The following RB1 variants were observed in gnomAD, a reference collection of about 807,000 sequenced individuals.
RB1 encodes the protein RB transcriptional corepressor 1.
In RB1, 18 loss-of-function variants were observed where a neutral mutation model predicts 135.4. That is an observed-to-expected ratio of 0.13 (90% CI 0.09 to 0.20). RB1 has a LOEUF of 0.20. Ranked by LOEUF, RB1 falls within the 10% of genes least tolerant of loss-of-function variation. The pLI, the probability that RB1 is intolerant of heterozygous loss-of-function variation, is 1.00. For missense variants in RB1, 868 were observed against 1,110.0 expected, an observed-to-expected ratio of 0.78 and a Z score of 3.10; for synonymous variants, 365 against 373.2, an observed-to-expected ratio of 0.98 and a Z score of 0.25.
Position 48,476,918 on chromosome 13 carries a change from T to C in RB1, c.2663+75T>C, listed in dbSNP as rs1397453472. ...GAATCCAGAGTCTCAGCACTGCTCC[T>C]GGCTTATACCAATTTCTTTCATGCC... On this transcript the variant is annotated intron_variant, in intron 25 of 26. Coordinates refer to ENST00000267163, the MANE Select transcript of RB1 (RefSeq NM_000321.3). 20 of 1,553,262 alleles carry C rather than the reference T, an allele frequency of 1.3e-5. 1 individual carries two copies. The highest frequency in any genetic ancestry group is 1.5e-5 in the Non-Finnish European group (17 of 1,127,338).
At chr13:48,399,740 A>G (rs1948676126) in intron 17 of RB1, among the ~76,000 whole-genome samples, 1 of 151,986 alleles carries the variant, frequency 6.6e-6, no homozygotes, top group Non-Finnish European at 1.5e-5. Context: ...AGATCTGTTT[A>G]TGATTTTAAA....
chr13:48,367,646 G>A (rs1248018059), intron 10 of RB1, 43 bp downstream of exon 10: 1 of 1,582,902 alleles, frequency 6.3e-7, no homozygotes, highest in Non-Finnish European at 8.6e-7. Context: ...TTAGATATAG[G>A]TTGATACTGA....
chr13:48,327,492 T>C (rs1379154331), intron 2 of RB1, among the ~76,000 whole-genome samples: 2 of 152,202 alleles, frequency 1.3e-5, no homozygotes, highest in Non-Finnish European at 2.9e-5. Context: ...AAAAAAGTTA[T>C]TTTAAGAGCT....
chr13:48,409,560 G>T (rs1282807246), intron 17 of RB1, among the ~76,000 whole-genome samples: 2 of 144,538 alleles, frequency 1.4e-5, no homozygotes, highest in Non-Finnish European at 3.0e-5. Context: ...TAACTTTGGA[G>T]AACTGCTTGA....
intron 17 of RB1, among the ~76,000 whole-genome samples, chr13:48,436,546 G>A (rs1308323913): frequency 6.6e-6 from 1 of 152,072 alleles, no homozygotes; most frequent in African/African-American, 2.4e-5. Context: ...GGGAGGCTGA[G>A]GCAGGAGAAT....
rs146356571 is a variant in RB1, at chr13:48,358,826, A to C, written c.608-1191A>C. On this transcript the variant is annotated intron_variant, in intron 6 of 26. Transcript: ENST00000267163. Reference sequence around the variant, plus strand: ...AGCACTTTAATACCTAATAAAATGAAAGCAAAAGAATGTACTTGAGAGAGA... The same window carrying C: ...AGCACTTTAATACCTAATAAAATGACAGCAAAAGAATGTACTTGAGAGAGA... 6.5e-3 allele frequency among the ~76,000 whole-genome samples: 989 copies of C among 152,254 alleles called. 15 individuals are homozygous for C. Among genetic ancestry groups the C allele is most frequent in the African/African-American group, 0.023 (942 of 41,570 alleles).
intron 17 of RB1, among the ~76,000 whole-genome samples, chr13:48,413,843 T>G (rs1948860744): frequency 6.6e-6 from 1 of 152,214 alleles, no homozygotes; most frequent in Non-Finnish European, 1.5e-5. Context: ...AAGCAAAATT[T>G]TTTTAACCTT....
Position 48,475,755 on chromosome 13 carries a change from T to C in RB1, c.2521-946T>C, listed in dbSNP as rs890959454. On this transcript the variant is annotated intron_variant, in intron 24 of 26. Coordinates refer to ENST00000267163, the MANE Select transcript of RB1 (RefSeq NM_000321.3). ...CCATCTGAGAGGCTGCCCACCACAC[T>C]GCCTCAAGTAACTAGGGAGAGGTAA... 3.3e-5 allele frequency among the ~76,000 whole-genome samples: 5 copies of C among 152,290 alleles called. No homozygotes were observed. In the East Asian group the frequency reaches 9.6e-4, roughly 29 times the overall value.
chr13:48,400,675 G>C (rs1296656268), intron 17 of RB1, among the ~76,000 whole-genome samples: 1 of 152,022 alleles, frequency 6.6e-6, no homozygotes. Flanking sequence ...AACTTGCTTT[G>C]GTGTGGTTCT....
intron 6 of RB1, among the ~76,000 whole-genome samples, chr13:48,359,289 TGAACAA>T (rs1394985974): frequency 5.9e-5 from 9 of 151,778 alleles, no homozygotes; most frequent in Non-Finnish European, 1.0e-4. Context: ...GATTTTATGG[TGAACAA>T]TTATTTTATA....
chr13:48,444,353 C>A (rs1174581110), intron 17 of RB1, among the ~76,000 whole-genome samples: 1 of 152,090 alleles, frequency 6.6e-6, no homozygotes, highest in Non-Finnish European at 1.5e-5. Context: ...CCCGTCTCTA[C>A]TAAAAATACA....
chr13:48,373,602 T>A, intron 12 of RB1, 110 bp downstream of exon 12: 1 of 673,922 alleles, frequency 1.5e-6, no homozygotes. Context: ...ATCTAACATG[T>A]AGTTATCCAT....
intron 6 of RB1, among the ~76,000 whole-genome samples, chr13:48,352,143 C>T (rs963592530): frequency 3.9e-5 from 6 of 152,116 alleles, no homozygotes; most frequent in South Asian, 2.1e-4. Context: ...TCAGCTGGTC[C>T]TAGGTGTGCA....
At chr13:48,344,935 C>A in intron 3 of RB1, 145 bp from the exon 4 acceptor site, 1 of 1,015,260 alleles carries the variant, frequency 9.8e-7, no homozygotes, top group Non-Finnish European at 1.4e-6. Context: ...ATTATTTTTG[C>A]AAAAAGTAAT....
At chr13:48,322,448 T>C (rs918969605) in intron 2 of RB1, among the ~76,000 whole-genome samples, 1 of 152,246 alleles carries the variant, frequency 6.6e-6, no homozygotes, top group African/African-American at 2.4e-5. Context: ...TAGGATTTTC[T>C]AGATGTAAAA....
At chr13:48,328,148 A>C in intron 2 of RB1, 9 of 1,354,194 alleles carry the variant, frequency 6.6e-6, no homozygotes, top group Non-Finnish European at 9.5e-6. Flanking sequence ...TCTGGTTATC[A>C]GAAAACCCAT....
At chr13:48,426,762 C>G (rs1310087414) in intron 17 of RB1, 1 of 151,772 alleles carries the variant, frequency 6.6e-6, no homozygotes, top group Non-Finnish European at 1.5e-5. Context: ...CCCTTTTTTT[C>G]TTACTGATGT....
chr13:48,356,985 C>A (rs1952597605), intron 6 of RB1, among the ~76,000 whole-genome samples: 1 of 151,760 alleles, frequency 6.6e-6, no homozygotes, highest in Non-Finnish European at 1.5e-5. Flanking sequence ...CTGAGACTAG[C>A]GTAATTCCGC....
At chr13:48,367,351 A>T (rs1952712727) in intron 9 of RB1, 143 bp from the exon 10 acceptor site, 2 of 850,442 alleles carry the variant, frequency 2.4e-6, no homozygotes, top group Non-Finnish European at 3.4e-6. Context: ...GATAGACCTT[A>T]TTTATATTGC....
Sources: allele counts gnomAD v4.1 joint callset (sites outside exome capture counted in the v4.1 genomes callset), GRCh38; gene constraint gnomAD v4.1.1; transcripts MANE v1.5; gene names NCBI Gene and HGNC (gene_info 2026-07-23, HGNC 2026-07-21).